The following PTPRM variants were observed in gnomAD, a reference collection of about 807,000 sequenced individuals.
PTPRM encodes protein tyrosine phosphatase receptor type M.
Under a neutral mutation model 186.7 loss-of-function variants are expected in PTPRM, and 47 were observed. The observed-to-expected ratio is 0.25, with a 90% CI of 0.20 to 0.32. The LOEUF (loss-of-function observed/expected upper bound fraction) is 0.32. Among genes scored for constraint, PTPRM ranks in the 10% least tolerant of loss-of-function variants. The pLI is 1.00. For missense variants in PTPRM, 1,494 were observed against 1,865.0 expected (o/e 0.80, Z 3.66); for synonymous variants, 668 against 674.9 (o/e 0.99, Z 0.16).
chr18:8,101,141 G>T (rs1211007956), intron 11 of PTPRM, among the ~76,000 whole-genome samples: 1 of 152,204 alleles, frequency 6.6e-6, no homozygotes, highest in African/African-American at 2.4e-5. Flanking sequence ...GAGTAAAAGT[G>T]CAATGTTGTT....
rs570358023 is a variant in PTPRM, at chr18:7,765,743, G to T, written c.74-8406G>T. 5.3e-5 allele frequency among the ~76,000 whole-genome samples: 8 copies of T among 152,152 alleles called. No individual in the cohort carries two copies. In the East Asian group the frequency reaches 1.4e-3, roughly 26 times the overall value. ...GGGGGGTACTGTAGCACTATTTTTT[G>T]ATCTGCCTTCTCTATTGAGAGACCC... On this transcript the variant is annotated intron_variant, in intron 1 of 32. Coordinates refer to ENST00000580170, the MANE Select transcript of PTPRM (RefSeq NM_001105244.2).
chr18:8,104,251 A>C (rs1189935690), intron 11 of PTPRM, among the ~76,000 whole-genome samples: 2 of 152,168 alleles, frequency 1.3e-5, no homozygotes, highest in African/African-American at 4.8e-5. Context: ...AAGCCCAATA[A>C]TGTGAAGTGC....
At chr18:7,809,244 A>G (rs545418467) in intron 2 of PTPRM, among the ~76,000 whole-genome samples, 1 of 152,198 alleles carries the variant, frequency 6.6e-6, no homozygotes, top group African/African-American at 2.4e-5. Flanking sequence ...CTCTCTCTCC[A>G]GGGCTTGGCC....
At chr18:8,029,395 G>A (rs1340095074) in intron 7 of PTPRM, among the ~76,000 whole-genome samples, 9 of 148,238 alleles carry the variant, frequency 6.1e-5, no homozygotes, top group Admixed American at 5.4e-4. Flanking sequence ...TGTCCTGCCT[G>A]GAGTGCCCCT....
At position 8,233,811 on chromosome 18, in the gene PTPRM, G is replaced by A. The variant is rs1172973489; in HGVS notation, c.2301-10247G>A. On this transcript the variant is annotated intron_variant, in intron 14 of 32. Coordinates refer to ENST00000580170, the MANE Select transcript of PTPRM (RefSeq NM_001105244.2). ...CATTTAGGTCTATAATCCATTTTGA[G>A]TTAATTTTTGTGAAGGGTGTAAGGC... is the stretch of plus-strand genomic sequence containing the variant. Among the ~76,000 whole-genome samples the A allele has an allele frequency of 2.0e-5, 3 of 152,136 alleles. No homozygotes were observed. The East Asian group carries it at 5.8e-4, about 29-fold the overall frequency.
chr18:7,659,562 T>G (rs1387594509), intron 1 of PTPRM, among the ~76,000 whole-genome samples: 2 of 152,190 alleles, frequency 1.3e-5, no homozygotes, highest in Non-Finnish European at 2.9e-5. Context: ...TAACTGACAT[T>G]CCAGCACCTA....
At chr18:8,131,372 C>T (rs1172486062) in intron 13 of PTPRM, among the ~76,000 whole-genome samples, 1 of 152,220 alleles carries the variant, frequency 6.6e-6, no homozygotes, top group African/African-American at 2.4e-5. Flanking sequence ...TGTTACCTTG[C>T]TGTTGGCAAT....
At chr18:7,640,028 G>T (rs1372763692) in intron 1 of PTPRM, among the ~76,000 whole-genome samples, 1 of 152,072 alleles carries the variant, frequency 6.6e-6, no homozygotes, top group Non-Finnish European at 1.5e-5. Context: ...TAACTTGTTT[G>T]GTAGGGGTTT....
intron 2 of PTPRM, among the ~76,000 whole-genome samples, chr18:7,883,878 A>T (rs1323370019): frequency 6.6e-6 from 1 of 152,232 alleles, no homozygotes; most frequent in Non-Finnish European, 1.5e-5. Context: ...ACAGTGGCTC[A>T]CACCTGTAAT....
intron 8 of PTPRM, among the ~76,000 whole-genome samples, chr18:8,075,187 G>A (rs2089729747): frequency 6.6e-6 from 1 of 152,110 alleles, no homozygotes; most frequent in East Asian, 1.9e-4. Flanking sequence ...TACTCTTACT[G>A]AAAATCAATG....
At chr18:7,841,652 G>C (rs1000503778) in intron 2 of PTPRM, among the ~76,000 whole-genome samples, 8 of 152,152 alleles carry the variant, frequency 5.3e-5, no homozygotes, top group Non-Finnish European at 1.2e-4. Context: ...AGTATGTACA[G>C]GTTATCTGGC....
At chr18:8,401,140 T>C (rs2095870285) in intron 32 of PTPRM, among the ~76,000 whole-genome samples, 1 of 151,412 alleles carries the variant, frequency 6.6e-6, no homozygotes, top group Admixed American at 6.6e-5. Context: ...ATTTTCTGAG[T>C]GACTGAACCA....
intron 1 of PTPRM, among the ~76,000 whole-genome samples, chr18:7,730,430 G>C: frequency 6.6e-6 from 1 of 152,102 alleles, no homozygotes; most frequent in East Asian, 1.9e-4. Context: ...TCATGAGGTA[G>C]CAGAGAAGTG....
intron 1 of PTPRM, among the ~76,000 whole-genome samples, chr18:7,731,145 C>T (rs1243794082): frequency 2.0e-5 from 3 of 152,184 alleles, no homozygotes; most frequent in African/African-American, 7.2e-5. Context: ...TGAAAGAGAA[C>T]AGCACTTCTT....
intron 13 of PTPRM, among the ~76,000 whole-genome samples, chr18:8,117,592 TAGAC>T (rs2092004035): frequency 1.3e-5 from 2 of 152,166 alleles, no homozygotes; most frequent in Non-Finnish European, 2.9e-5. Flanking sequence ...TCATAAAAGT[TAGAC>T]AGGAAAAAAC....
chr18:8,138,512 A>G (rs189340515), intron 13 of PTPRM, among the ~76,000 whole-genome samples: 282 of 151,846 alleles, frequency 1.9e-3, no homozygotes, highest in African/African-American at 6.4e-3. Context: ...TTGGCCTGAG[A>G]TTTCTCACAC....
rs201048199 is a variant in PTPRM, at chr18:8,080,087, A to G, written c.1551+3523A>G. Among the ~76,000 whole-genome samples, 34 of 152,322 alleles carry G rather than the reference A, an allele frequency of 2.2e-4. No homozygotes were observed. In the East Asian group the frequency reaches 5.0e-3, roughly 22 times the overall value. ...AAGTGATACAGAAGTTTAAATTTCT[A>G]TAATATCAAGTGTTAATCAGTGATG... On this transcript the variant is annotated intron_variant, in intron 9 of 32. Transcript: ENST00000580170.
At chr18:7,849,439 T>C (rs1190012543) in intron 2 of PTPRM, among the ~76,000 whole-genome samples, 1 of 152,224 alleles carries the variant, frequency 6.6e-6, no homozygotes, top group Non-Finnish European at 1.5e-5. Flanking sequence ...AGATAAAGTA[T>C]AGCTGGAAAA....
intron 14 of PTPRM, among the ~76,000 whole-genome samples, chr18:8,168,841 C>T (rs1241189378): frequency 1.3e-5 from 2 of 152,176 alleles, no homozygotes; most frequent in Non-Finnish European, 2.9e-5. Flanking sequence ...TGGAATGCCC[C>T]TCACTGGGCC....
Sources: gnomAD v4.1 joint callset for allele counts (sites outside exome capture counted in the v4.1 genomes callset) on GRCh38, gnomAD v4.1.1 for gene constraint, MANE v1.5 for transcripts, NCBI Gene and HGNC (gene_info 2026-07-23, HGNC 2026-07-21) for gene names.